The following RHOBTB1 variants were observed in gnomAD, a reference collection of about 807,000 sequenced individuals.
RHOBTB1 encodes the protein rho-related BTB domain-containing protein 1.
A neutral mutation model predicts 71.6 loss-of-function variants in RHOBTB1; 40 were observed. The observed-to-expected ratio is 0.56, with a 90% CI of 0.43 to 0.73. RHOBTB1 has a LOEUF of 0.73. Among genes scored for constraint, RHOBTB1 ranks in the 30% least tolerant of loss-of-function variants. The pLI is 0.00. For missense variants in RHOBTB1, 797 were observed against 894.0 expected (o/e 0.89, Z 1.38); for synonymous variants, 319 against 334.9 (o/e 0.95, Z 0.52).
At chr10:60,996,496 G>A (rs192115686) in intron 1 of RHOBTB1, among the ~76,000 whole-genome samples, 109 of 152,162 alleles carry the variant, frequency 7.2e-4, no homozygotes, top group African/African-American at 2.4e-3. Flanking sequence ...AATTTGCCTC[G>A]CTGTCCACCA....
intron 1 of RHOBTB1, among the ~76,000 whole-genome samples, chr10:60,994,860 A>G (rs1168419130): frequency 6.6e-6 from 1 of 152,094 alleles, no homozygotes; most frequent in Non-Finnish European, 1.5e-5. Flanking sequence ...TGCACAAGAA[A>G]CCCAAAGCTC....
chr10:60,975,379 G>T (rs1257291605), intron 2 of RHOBTB1, among the ~76,000 whole-genome samples: 1 of 152,076 alleles, frequency 6.6e-6, no homozygotes, highest in South Asian at 2.1e-4. Context: ...TTGTTGGAAA[G>T]ACACTGCCTG....
chr10:60,922,411 G>A (rs7913287), intron 2 of RHOBTB1, among the ~76,000 whole-genome samples: 72,750 of 151,988 alleles, frequency 0.48, 18,116 homozygotes, highest in East Asian at 0.74. Flanking sequence ...GCCTTAGTCT[G>A]TATGGAGCCT....
upstream of RHOBTB1, among the ~76,000 whole-genome samples, chr10:60,946,119 A>C (rs563705424): frequency 6.6e-6 from 1 of 151,956 alleles, no homozygotes; most frequent in African/African-American, 2.4e-5. Flanking sequence ...CGGAGGTTGC[A>C]GTGAGCCGAG....
intron 1 of RHOBTB1, among the ~76,000 whole-genome samples, chr10:60,995,479 T>C (rs1384965369): frequency 2.6e-5 from 4 of 152,190 alleles, no homozygotes; most frequent in Non-Finnish European, 4.4e-5. Context: ...AAATTATCTC[T>C]GATAACCTCA....
At chr10:61,000,891 C>G (rs558901376) in intron 1 of RHOBTB1, among the ~76,000 whole-genome samples, 1 of 152,270 alleles carries the variant, frequency 6.6e-6, no homozygotes, top group Admixed American at 6.5e-5. Flanking sequence ...AAAAATCAAT[C>G]CCGCATCACC....
intron 4 of RHOBTB1, among the ~76,000 whole-genome samples, chr10:60,910,109 A>G (rs1031694381): frequency 1.1e-4 from 16 of 152,202 alleles, no homozygotes; most frequent in Admixed American, 4.6e-4. Context: ...TCTACGTTCT[A>G]CACTGAAAAT....
In RHOBTB1 at chr10:60,888,204, C is replaced by T; in HGVS notation, c.1456+8G>A. On this transcript the variant is annotated splice_region_variant and intron_variant, in intron 6 of 10. Transcript: ENST00000337910. ...GGTATTAATGGCTCTGCCCCGCGGC[C>T]CACTCACCCGAGAACGTTCCCTTGC... The T allele has an allele frequency of 6.2e-7, 1 of 1,608,608 alleles. No homozygotes were observed. Among genetic ancestry groups the T allele is most frequent in the South Asian group, 1.1e-5 (1 of 90,684 alleles).
intron 1 of RHOBTB1, among the ~76,000 whole-genome samples, chr10:60,989,985 T>TA: frequency 6.9e-6 from 1 of 145,950 alleles, no homozygotes; most frequent in East Asian, 2.0e-4. Context: ...GTCCTTTTTT[T>TA]TTTTTTTTTT....
chr10:60,958,139 T>A (rs574367197), intron 2 of RHOBTB1, among the ~76,000 whole-genome samples: 1 of 152,092 alleles, frequency 6.6e-6, no homozygotes, highest in East Asian at 1.9e-4. Context: ...GGTAGAAAAG[T>A]CAAGCACCTC....
chr10:60,895,496 C>T (rs2082120133), intron 4 of RHOBTB1, among the ~76,000 whole-genome samples: 1 of 152,214 alleles, frequency 6.6e-6, no homozygotes, highest in East Asian at 1.9e-4. Flanking sequence ...CCTCTGCCTC[C>T]TGGGTTCAAG....
At chr10:60,945,355 T>C (rs1349251014), upstream of RHOBTB1, among the ~76,000 whole-genome samples, 2 of 152,196 alleles carry the variant, frequency 1.3e-5, no homozygotes, top group Non-Finnish European at 1.5e-5. Flanking sequence ...GGAAACAATG[T>C]CATTCTTGGC....
At chr10:60,875,666 T>C (rs2081017467) in intron 8 of RHOBTB1, among the ~76,000 whole-genome samples, 1 of 152,196 alleles carries the variant, frequency 6.6e-6, no homozygotes, top group African/African-American at 2.4e-5. Flanking sequence ...ATTGCGTACG[T>C]CTGTCTCAAC....
At chr10:60,938,003 C>T (rs1172148628) in intron 2 of RHOBTB1, among the ~76,000 whole-genome samples, 2 of 152,044 alleles carry the variant, frequency 1.3e-5, no homozygotes, top group African/African-American at 4.8e-5. Flanking sequence ...CATATTTCAC[C>T]GAAGTTGCAT....
intron 10 of RHOBTB1, among the ~76,000 whole-genome samples, 179 bp from the exon 11 acceptor site, chr10:60,871,830 T>C (rs1209171965): frequency 2.0e-5 from 3 of 152,156 alleles, no homozygotes; most frequent in Non-Finnish European, 4.4e-5. Flanking sequence ...CTCTTACCTG[T>C]AGTCATGCAG....
chr10:60,920,478 T>C (rs1309909851), intron 2 of RHOBTB1, among the ~76,000 whole-genome samples: 2 of 151,950 alleles, frequency 1.3e-5, no homozygotes, highest in Non-Finnish European at 2.9e-5. Context: ...GGATAGGAAG[T>C]GGGGAAGCCG....
chr10:60,990,795 G>C (rs2086837310), intron 1 of RHOBTB1, among the ~76,000 whole-genome samples: 1 of 152,052 alleles, frequency 6.6e-6, no homozygotes, highest in South Asian at 2.1e-4. Context: ...CTTTCTCTAA[G>C]CAATCTTATC....
chr10:60,984,727 C>T (rs1009202108), intron 2 of RHOBTB1, among the ~76,000 whole-genome samples: 50 of 152,008 alleles, frequency 3.3e-4, no homozygotes, highest in African/African-American at 1.0e-3. Context: ...TAAAATCTTT[C>T]GATAATTTGT....
upstream of RHOBTB1, among the ~76,000 whole-genome samples, chr10:60,948,079 A>G (rs2085295348): frequency 6.6e-6 from 1 of 152,130 alleles, no homozygotes; most frequent in African/African-American, 2.4e-5. Context: ...TGTTGAATAT[A>G]TTTTCATTGG....
Sources: gnomAD v4.1 joint callset for allele counts (sites outside exome capture counted in the v4.1 genomes callset) on GRCh38, gnomAD v4.1.1 for gene constraint, MANE v1.5 for transcripts, NCBI Gene and HGNC (gene_info 2026-07-23, HGNC 2026-07-21) for gene names.